Variants in LRPAP1 observed in about 807,000 individuals in gnomAD.
The protein encoded by LRPAP1 is alpha-2-macroglobulin receptor-associated protein.
Under a neutral mutation model 39.9 loss-of-function variants are expected in LRPAP1, and 41 were observed. That is an observed-to-expected ratio of 1.03 (90% CI 0.80 to 1.33). The LOEUF is 1.33. LRPAP1 is among the 40% of genes most tolerant of loss of function. LRPAP1 has a pLI of 0.00. For missense variants in LRPAP1, 565 were observed against 482.3 expected (o/e 1.17, Z -1.61); for synonymous variants, 263 against 212.7 (o/e 1.24, Z -2.06).
At chr4:3,516,314 G>A (rs1729701169) in intron 5 of LRPAP1, 116 bp from the exon 6 acceptor site, 3 of 700,458 alleles carry the variant, frequency 4.3e-6, no homozygotes, top group South Asian at 1.6e-5. Flanking sequence ...GGCGCGACCT[G>A]CATGTGTGTG....
At chr4:3,516,495 C>A (rs1729709759) in intron 5 of LRPAP1, among the ~76,000 whole-genome samples, 1 of 152,204 alleles carries the variant, frequency 6.6e-6, no homozygotes, top group Non-Finnish European at 1.5e-5. Flanking sequence ...CCACAGCCCG[C>A]CCTGGCTGCC....
At chr4:3,516,873 C>T (rs1729721464) in intron 5 of LRPAP1, among the ~76,000 whole-genome samples, 2 of 152,202 alleles carry the variant, frequency 1.3e-5, no homozygotes, top group Admixed American at 1.3e-4. Flanking sequence ...ACCCCGAGGA[C>T]CCTGGGCTGG....
chr4:3,520,648 A>G (rs769493344), intron 2 of LRPAP1, among the ~76,000 whole-genome samples: 1 of 152,274 alleles, frequency 6.6e-6, no homozygotes, highest in Non-Finnish European at 1.5e-5. Context: ...CACAGGACAG[A>G]GGCCACCTGC....
intron 1 of LRPAP1, among the ~76,000 whole-genome samples, chr4:3,530,770 G>A (rs569257531): frequency 3.9e-5 from 6 of 152,196 alleles, no homozygotes; most frequent in Non-Finnish European, 8.8e-5. Flanking sequence ...GCTGGAGGTG[G>A]CTGGAGGTAA....
At chr4:3,516,376 C>G (rs541295613) in intron 5 of LRPAP1, among the ~76,000 whole-genome samples, 178 bp from the exon 6 acceptor site, 75 of 152,376 alleles carry the variant, frequency 4.9e-4, no homozygotes, top group African/African-American at 1.7e-3. Flanking sequence ...GGCATCTGCT[C>G]AGTAGCTCAC....
chr4:3,512,320 G>C lies in LRPAP1; in HGVS notation c.*654C>G, dbSNP rs1366213078. The C allele has an allele frequency of 6.6e-6, 1 of 152,562 alleles. No individual in the cohort carries two copies. Among genetic ancestry groups the C allele is most frequent in the African/African-American group, 2.4e-5 (1 of 41,470 alleles). 9.5% of individuals were successfully genotyped at this position (152,562 alleles called of 1,614,324 possible). On this transcript the variant is annotated 3_prime_UTR_variant, in exon 8 of 8. Transcript: ENST00000650182. The stretch of plus-strand genomic sequence containing the variant: ...AGGTCCCTGAGCTGCAGAGGTGAGA[G>C]TTGAAAGACGCTGCCCCCAGGCCAC...
At chr4:3,523,686 A>G (rs1729989343) in intron 2 of LRPAP1, among the ~76,000 whole-genome samples, 1 of 152,160 alleles carries the variant, frequency 6.6e-6, no homozygotes, top group Admixed American at 6.5e-5. Context: ...GGCCTAACGA[A>G]GGAACTCCGT....
intron 1 of LRPAP1, among the ~76,000 whole-genome samples, chr4:3,526,018 A>G (rs532197653): frequency 6.6e-6 from 1 of 152,338 alleles, no homozygotes; most frequent in African/African-American, 2.4e-5. Context: ...TGCAGAGCAG[A>G]GTGGCCCAGC....
In LRPAP1 at chr4:3,524,965, C is replaced by T. The variant is rs772947787; in HGVS notation, c.291G>A (p.Lys97=). The T allele has an allele frequency of 6.2e-7, 1 of 1,614,168 alleles. No individual in the cohort carries two copies. Among genetic ancestry groups the T allele is most frequent in the South Asian group, 1.1e-5 (1 of 91,082 alleles). The change falls in exon 2 of 8, where the codon AAG becomes AAA. Residue 97 remains lysine (K), a synonymous_variant. Coordinates refer to ENST00000650182, the MANE Select transcript of LRPAP1 (RefSeq NM_002337.4). Reference sequence around the variant, plus strand: ...CCCCATCTTCGTCCAAGCCGTCAAGCTTTAGTTTCTTCCAGGCGAGTTCGT... The same window carrying T: ...CCCCATCTTCGTCCAAGCCGTCAAGTTTTAGTTTCTTCCAGGCGAGTTCGT... ...ERDELAWKKL[K]LDGLDEDGEK...
chr4:3,512,974 T>G lies in LRPAP1; in HGVS notation c.1074A>C (p.Ter358CysextTer66). ...TGCCGGGCTGGGCTCCCCAATGCCTTCAGAGTTCGTTGTGCCGAGCTCTGG... is the reference window on the plus strand; with the variant it reads ...TGCCGGGCTGGGCTCCCCAATGCCTGCAGAGTTCGTTGTGCCGAGCTCTGG... ...RISRARHNEL* is the reference protein window; with the variant it reads ...RISRARHNELC Residue 358 changes from the stop codon to cysteine (C), a stop_lost, in exon 8 of 8, where the codon TGA becomes TGC. Coordinates refer to ENST00000650182, the MANE Select transcript of LRPAP1 (RefSeq NM_002337.4). 2 of 1,610,248 alleles carry G rather than the reference T, an allele frequency of 1.2e-6. No individual in the cohort carries two copies. The highest frequency in any genetic ancestry group is 1.7e-6 in the Non-Finnish European group (2 of 1,178,528).
intron 1 of LRPAP1, 67 bp downstream of exon 1, chr4:3,532,142 G>C: frequency 6.9e-7 from 1 of 1,459,308 alleles, no homozygotes; most frequent in Non-Finnish European, 9.3e-7. Context: ...CCTGGGCCCC[G>C]CTCCAACGAC....
intron 1 of LRPAP1, among the ~76,000 whole-genome samples, chr4:3,525,910 C>T (rs755752507): frequency 2.6e-5 from 4 of 152,392 alleles, no homozygotes; most frequent in Middle Eastern, 3.4e-3. Context: ...TGAAACCCAC[C>T]GGCCAGCTCT....
intron 1 of LRPAP1, among the ~76,000 whole-genome samples, chr4:3,528,949 TCA>T (rs1161352072): frequency 6.6e-6 from 1 of 152,158 alleles, no homozygotes; most frequent in Admixed American, 6.5e-5. Flanking sequence ...TCTGCAGACC[TCA>T]GTTTCCACTC....
At chr4:3,519,768 G>C (rs559619395) in intron 3 of LRPAP1, among the ~76,000 whole-genome samples, 1 of 152,346 alleles carries the variant, frequency 6.6e-6, no homozygotes, top group East Asian at 1.9e-4. Context: ...ACGGAGTAAA[G>C]AACGCAGCCC....
chr4:3,519,934 T>A, intron 3 of LRPAP1, 138 bp downstream of exon 3: 2 of 998,126 alleles, frequency 2.0e-6, no homozygotes, highest in Non-Finnish European at 2.9e-6. Flanking sequence ...AATGGCTTCC[T>A]TAGGAAGCCA....
rs779457327 is a variant in LRPAP1, at chr4:3,518,935, G to T, written c.528C>A (p.Phe176Leu). 3.1e-6 allele frequency: 5 copies of T among 1,614,006 alleles called. No individual in the cohort carries two copies. The East Asian group carries it at 1.1e-4, about 36-fold the overall frequency. ...CGTGAACTTTCTCTTTGTGATGCAG[G>T]AACTCCCGCCAGAGCTTGTCCAGTT... Reference protein sequence around the residue: ...GEELDKLWREFLHHKEKVHEY... With the variant: ...GEELDKLWRELLHHKEKVHEY... Residue 176 changes from phenylalanine (F) to leucine (L), a missense_variant, in exon 4 of 8, where the codon TTC becomes TTA. Transcript: ENST00000650182.
rs753610782 is a variant in LRPAP1, at chr4:3,518,084, C to A, written c.701G>T (p.Gly234Val). The A allele has an allele frequency of 6.2e-7, 1 of 1,613,174 alleles. No individual in the cohort carries two copies. Among genetic ancestry groups the A allele is most frequent in the Admixed American group, 1.7e-5 (1 of 60,006 alleles). The change falls in exon 5 of 8, where the codon GGC becomes GTC. Residue 234 changes from glycine to valine, a missense_variant. Transcript: ENST00000650182. ...GCTGACCCTGCGCAGGCGGTCCAGG[C>A]CCTGGTTGATGCTGCGCAGCTTCTC... ...LKEKLRSINQ[G>V]LDRLRRVSHQ...
At chr4:3,519,159 GC>G (rs1479743089) in intron 3 of LRPAP1, among the ~76,000 whole-genome samples, 168 bp from the exon 4 acceptor site, 4 of 152,216 alleles carry the variant, frequency 2.6e-5, no homozygotes, top group Non-Finnish European at 5.9e-5. Flanking sequence ...CCGGAGAAGA[GC>G]TGCCGGCAGG....
At position 3,506,699 on chromosome 4, in the gene LRPAP1, T is replaced by A. The variant is rs1729366671; in HGVS notation, c.*6275A>T. 1 of 152,128 alleles carries A rather than the reference T, an allele frequency of 6.6e-6. No homozygotes were observed. The highest frequency in any genetic ancestry group is 2.1e-4 in the South Asian group (1 of 4,824). 9.4% of individuals were successfully genotyped at this position (152,128 alleles called of 1,614,324 possible). Reference sequence around the variant, plus strand: ...CTCGAGCTGTTTTTAAGAGGATATATCCTGGTTTGCTGCTGTGTAGTTTCC... The same window carrying A: ...CTCGAGCTGTTTTTAAGAGGATATAACCTGGTTTGCTGCTGTGTAGTTTCC... On this transcript the variant is annotated 3_prime_UTR_variant, in exon 8 of 8. Transcript: ENST00000650182.
Sources: allele counts gnomAD v4.1 joint callset (sites outside exome capture counted in the v4.1 genomes callset), GRCh38; gene constraint gnomAD v4.1.1; transcripts MANE v1.5; gene names NCBI Gene and HGNC (gene_info 2026-07-23, HGNC 2026-07-21).